Variants in BRSK1 observed in about 807,000 individuals in gnomAD.
The protein encoded by BRSK1 is BR serine/threonine kinase 1, also known as serine/threonine-protein kinase BRSK1.
BRSK1 carries 17 observed loss-of-function variants against 86.2 expected under a neutral mutation model. The ratio of observed to expected loss-of-function variants is 0.20; its 90% CI spans 0.14 to 0.30. BRSK1 has a LOEUF of 0.30. Ranked by LOEUF, BRSK1 falls within the 10% of genes least tolerant of loss-of-function variation. The probability of loss-of-function intolerance (pLI) is 1.00; values close to 1 mark genes in which losing one functional copy is unlikely to be tolerated. For missense variants in BRSK1, 719 were observed against 1,071.9 expected (o/e 0.67, Z 4.60); for synonymous variants, 464 against 440.1 (o/e 1.05, Z -0.68).
rs1237153145 is a variant in BRSK1, at chr19:55,286,517, G to A, written c.137-490G>A. 2.0e-5 allele frequency among the ~76,000 whole-genome samples: 3 copies of A among 151,918 alleles called. No homozygotes were observed. In the East Asian group the frequency reaches 5.9e-4, roughly 30 times the overall value. On this transcript the variant is annotated intron_variant, in intron 1 of 18. Coordinates refer to ENST00000309383, the MANE Select transcript of BRSK1 (RefSeq NM_032430.2). ...GGCAAATGTGAGATTATATTCACTG[G>A]GAGGGGATTCAGGAGGAGGTGGAGG...
Position 55,287,065 on chromosome 19 carries a change from G to C in BRSK1, c.195G>C (p.Val65=), listed in dbSNP as rs1568978359. 1 of 1,613,002 alleles carries C rather than the reference G, an allele frequency of 6.2e-7. No homozygotes were observed. Among genetic ancestry groups the C allele is most frequent in the African/African-American group, 1.3e-5 (1 of 74,714 alleles). ...GTCAGAAGGTCGCCATCAAGATCGT[G>C]AACCGGGAGAAGCTGTCGGAGTCGG... The part of the protein sequence containing the change: ...ITGQKVAIKI[V]NREKLSESVL... The change falls in exon 2 of 19, where the codon GTG becomes GTC. Residue 65 remains valine, a synonymous_variant. Transcript: ENST00000309383. This position sits in a 1 kb window ranked among gnomAD's most constrained non-coding sequence, Gnocchi z 5.3.
chr19:55,301,529 T>C lies in BRSK1; in HGVS notation c.696T>C (p.Asp232=). 6.2e-7 allele frequency: 1 copy of C among 1,613,870 alleles called. No homozygotes were observed. The change falls in exon 8 of 19, where the codon GAT becomes GAC. Residue 232 remains aspartate, a synonymous_variant. Transcript: ENST00000309383. Reference sequence around the variant, plus strand: ...TTGCCCAGGGGGCTCTGCCCTTTGATGACGACAACCTCCGCCAGCTGCTGG... The same window carrying C: ...TTGCCCAGGGGGCTCTGCCCTTTGACGACGACAACCTCCGCCAGCTGCTGG... ...FALLVGALPF[D]DDNLRQLLEK...
rs1308934168 is a variant in BRSK1 at position 55,306,230 on chromosome 19, C to T, written c.1891-22C>T. ...TATCCATTTCCTGGGCTCACCCCTTCCTGTGTTCCTACCTCGCTCAGATCC... is the reference window on the plus strand; with the variant it reads ...TATCCATTTCCTGGGCTCACCCCTTTCTGTGTTCCTACCTCGCTCAGATCC... On this transcript the variant is annotated intron_variant, in intron 16 of 18. Transcript: ENST00000309383. The surrounding 1 kb of genome is among the most constrained non-coding windows in gnomAD (Gnocchi z 4.7). The T allele has an allele frequency of 6.2e-7, 1 of 1,612,658 alleles. No individual in the cohort carries two copies. Among genetic ancestry groups the T allele is most frequent in the African/African-American group, 1.3e-5 (1 of 74,910 alleles).
In BRSK1 at chr19:55,302,613, C is replaced by T. The variant is rs549941182; in HGVS notation, c.858-84C>T. 1.9e-5 allele frequency: 28 copies of T among 1,502,982 alleles called. No individual in the cohort carries two copies. Among genetic ancestry groups the T allele is most frequent in the Non-Finnish European group, 2.3e-5 (26 of 1,112,492 alleles). The allele number at this position is 1,502,982 out of a possible 1,614,324, so 93.1% of individuals were successfully genotyped here. ...GGGGCCGGGGCCTAGACTCGGATTTCGGGGTCCGGGATCATTGAGTCTAGA... is the reference window on the plus strand; with the variant it reads ...GGGGCCGGGGCCTAGACTCGGATTTTGGGGTCCGGGATCATTGAGTCTAGA... On this transcript the variant is annotated intron_variant, in intron 9 of 18. Transcript: ENST00000309383. The surrounding 1 kb of genome is among the most constrained non-coding windows in gnomAD (Gnocchi z 6.3).
Position 55,285,298 on chromosome 19 carries a change from G to A in BRSK1, c.136+720G>A, listed in dbSNP as rs1038479810. On this transcript the variant is annotated intron_variant, in intron 1 of 18. Transcript: ENST00000309383. ...CTGAGTCTGAGGGAGGAGGGCGGTC[G>A]GAACCTTGAGTGTTGGGACAGGGAG... 5.3e-5 allele frequency among the ~76,000 whole-genome samples: 8 copies of A among 152,110 alleles called. 2 individuals carry two copies. The highest frequency in any genetic ancestry group is 2.6e-4 in the Admixed American group (4 of 15,278).
At chr19:55,296,737 A>G (rs565428483) in intron 7 of BRSK1, among the ~76,000 whole-genome samples, 1 of 152,146 alleles carries the variant, frequency 6.6e-6, no homozygotes, top group Non-Finnish European at 1.5e-5. Flanking sequence ...AGTCCCAGCT[A>G]CTCGGGAGGC....
At position 55,294,411 on chromosome 19, in the gene BRSK1, A is replaced by G. The variant is rs760033577; in HGVS notation, c.678+14A>G. The stretch of plus-strand genomic sequence containing the variant: ...GCCCTGCTCGTGGTAAGGCGCCCTC[A>G]CCTCTCCTGTCATTTCTAGATCAAT... On this transcript the variant is annotated intron_variant, in intron 7 of 18. Coordinates refer to ENST00000309383, the MANE Select transcript of BRSK1 (RefSeq NM_032430.2). The surrounding 1 kb of genome is among the most constrained non-coding windows in gnomAD (Gnocchi z 4.9). 1.9e-6 allele frequency: 3 copies of G among 1,612,550 alleles called. No homozygotes were observed. The African/African-American group carries it at 4.0e-5, about 22-fold the overall frequency.
At chr19:55,307,496 C>T (rs989824239) in intron 17 of BRSK1, among the ~76,000 whole-genome samples, 1 of 145,736 alleles carries the variant, frequency 6.9e-6, no homozygotes, top group Non-Finnish European at 1.5e-5. Context: ...TTGCAGTGAG[C>T]CAAGATTGTG....
chr19:55,296,135 G>A (rs2088483072), intron 7 of BRSK1, among the ~76,000 whole-genome samples: 1 of 150,998 alleles, frequency 6.6e-6, no homozygotes, highest in Non-Finnish European at 1.5e-5. Flanking sequence ...AGCTTCCCCT[G>A]CCCCCACTCC....
rs756758510 is a variant in BRSK1 at position 55,311,903 on chromosome 19, C to T, written c.2180-8C>T. On this transcript the variant is annotated splice_region_variant and splice_polypyrimidine_tract_variant and intron_variant, in intron 18 of 18. Coordinates refer to ENST00000309383, the MANE Select transcript of BRSK1 (RefSeq NM_032430.2). The stretch of plus-strand genomic sequence containing the variant: ...GGAACCCACGAAAAACCTCTTCCTC[C>T]CTTGCAGACGAGAAGAACGGGGCCC... 6.2e-7 allele frequency: 1 copy of T among 1,611,200 alleles called. No individual in the cohort carries two copies. Among genetic ancestry groups the T allele is most frequent in the Non-Finnish European group, 8.5e-7 (1 of 1,178,946 alleles).
In BRSK1 at chr19:55,302,512, G is replaced by A. The variant is rs2088586956; in HGVS notation, c.858-185G>A. ...GACCCCTCGGTCGGAGGGAAAAGGG[G>A]CTGGAGGTCTGGACTCCTGGGTCTG... is the stretch of plus-strand genomic sequence containing the variant. On this transcript the variant is annotated intron_variant, in intron 9 of 18. Coordinates refer to ENST00000309383, the MANE Select transcript of BRSK1 (RefSeq NM_032430.2). This position sits in a 1 kb window ranked among gnomAD's most constrained non-coding sequence, Gnocchi z 6.3. 2.7e-6 allele frequency: 2 copies of A among 751,196 alleles called. No homozygotes were observed. The highest frequency in any genetic ancestry group is 1.8e-5 in the African/African-American group (1 of 56,428). The allele number at this position is 751,196 out of a possible 1,614,324, so 46.5% of individuals were successfully genotyped here. A position where few individuals can be genotyped will look rare whatever the true frequency, so the allele number is the denominator to read the frequency against.
rs751043676 is a variant in BRSK1 at position 55,304,106 on chromosome 19, C to T, written c.1343C>T (p.Pro448Leu). The T allele has an allele frequency of 6.2e-7, 1 of 1,612,558 alleles. No individual in the cohort carries two copies. The highest frequency in any genetic ancestry group is 1.1e-5 in the South Asian group (1 of 90,920). ...TGLSSSPLSS[P>L]RSPVFSFSPE... The stretch of plus-strand genomic sequence containing the variant: ...CTGTCCTCCAGCCCTCTAAGCAGCC[C>T]AAGGGTAAGGCCAGGTCCCCAGTGG... Residue 448 changes from proline (P) to leucine (L), a missense_variant, in exon 13 of 19, where the codon CCA (proline) becomes CTA (leucine). Transcript: ENST00000309383. This position sits in a 1 kb window ranked among gnomAD's most constrained non-coding sequence, Gnocchi z 5.2.
rs560223389 is a variant in BRSK1, at chr19:55,299,812, C to T, written c.679-1700C>T. ...CAACCAGAAGTCAAACCCAGGCTTC[C>T]GCACCCTAAGATCGGCATTCAGAGG... On this transcript the variant is annotated intron_variant, in intron 7 of 18. Transcript: ENST00000309383. Among the ~76,000 whole-genome samples, 34 of 152,200 alleles carry T rather than the reference C, an allele frequency of 2.2e-4. 1 individual carries two copies. The South Asian group carries it at 6.0e-3, about 27-fold the overall frequency.
chr19:55,301,644 GA>G lies in BRSK1; in HGVS notation c.817del (p.Arg273GlyfsTer14). On this transcript the variant is annotated frameshift_variant, in exon 8 of 19. Transcript: ENST00000309383. LOFTEE classifies it high-confidence loss of function. ...LLRGMIEVEP[E>X]KRLSLEQIQK... ...GAGGGGAATGATCGAAGTGGAGCCC[GA>G]AAAAAGGCTCAGTGTGAGTTGAGGG... 6.2e-7 allele frequency: 1 copy of G among 1,611,664 alleles called. No homozygotes were observed.
rs1160107930 is a variant in BRSK1 at position 55,312,020 on chromosome 19, C to T, written c.2289C>T (p.Pro763=). ...PELSSSPRRG[P]PKDKKLLATN... ...TGAGCAGCTCTCCCCGCCGAGGCCC[C>T]CCCAAGGACAAGAAGCTCCTGGCCA... Residue 763 remains proline, a synonymous_variant, in exon 19 of 19, where the codon CCC becomes CCT. Transcript: ENST00000309383. 4 of 1,511,050 alleles carry T rather than the reference C, an allele frequency of 2.6e-6. No individual in the cohort carries two copies. The highest frequency in any genetic ancestry group is 1.4e-5 in the African/African-American group (1 of 71,146). 93.6% of individuals were successfully genotyped at this position (1,511,050 alleles called of 1,614,324 possible).
intron 18 of BRSK1, among the ~76,000 whole-genome samples, chr19:55,311,262 C>T (rs1228946443): frequency 6.6e-6 from 1 of 152,130 alleles, no homozygotes; most frequent in Non-Finnish European, 1.5e-5. Context: ...GCGCCCGGCC[C>T]ACTCAGTTTC....
intron 17 of BRSK1, among the ~76,000 whole-genome samples, chr19:55,308,156 G>C (rs1304919539): frequency 1.3e-5 from 2 of 151,590 alleles, no homozygotes; most frequent in Non-Finnish European, 2.9e-5. Context: ...GAGTAGCTGG[G>C]ATTACAGGCA....
In BRSK1 at chr19:55,312,533, CAAAAAAAAAAAAAA is replaced by C. The variant is rs372052269; in HGVS notation, c.*481_*494del. 54 of 25,748 alleles carry C rather than the reference CAAAAAAAAAAAAAA, an allele frequency of 2.1e-3. 1 individual carries two copies. In the South Asian group the frequency reaches 0.11, roughly 55 times the overall value. 1.6% of individuals were successfully genotyped at this position (25,748 alleles called of 1,614,324 possible). ...TCCGTGTCTCTGATTCCGCCGGCGG[CAAAAAAAAAAAAAA>C]AAAAAAAAAAAAAAAGATAATAATA... On this transcript the variant is annotated 3_prime_UTR_variant, in exon 19 of 19. Coordinates refer to ENST00000309383, the MANE Select transcript of BRSK1 (RefSeq NM_032430.2).
chr19:55,288,473 CAAA>C (rs1233222342), intron 3 of BRSK1, among the ~76,000 whole-genome samples: 89 of 55,912 alleles, frequency 1.6e-3, no homozygotes, highest in Non-Finnish European at 2.8e-3. Flanking sequence ...GACTCTGTCT[CAAA>C]AAAAAAAAAA....
Sources: gnomAD v4.1 joint callset for allele counts (sites outside exome capture counted in the v4.1 genomes callset) on GRCh38, gnomAD v4.1.1 for gene constraint, Gnocchi (gnomAD v3.1) non-coding constraint, MANE v1.5 for transcripts, NCBI Gene and HGNC (gene_info 2026-07-23, HGNC 2026-07-21) for gene names.